The following TLK2 variants were observed in gnomAD, a reference collection of about 807,000 sequenced individuals.
TLK2 encodes the protein serine/threonine-protein kinase tousled-like 2.
In TLK2, 6 loss-of-function variants were observed where a neutral mutation model predicts 117.3. The ratio of observed to expected loss-of-function variants is 0.05; its 90% CI spans 0.03 to 0.10. The LOEUF is 0.10. TLK2 is among the 10% of genes least tolerant of loss of function. The pLI is 1.00. For synonymous variants in TLK2, 257 were observed against 316.7 expected (o/e 0.81, Z 2.00); for missense variants, 299 against 901.2 (o/e 0.33, Z 8.56).
chr17:62,569,286 A>G (rs2146532259), intron 11 of TLK2, among the ~76,000 whole-genome samples: 1 of 148,876 alleles, frequency 6.7e-6, no homozygotes. Flanking sequence ...TGGGTGACAG[A>G]GTGAGACTTC....
chr17:62,504,654 TAAAA>T (rs1205812542), intron 2 of TLK2, among the ~76,000 whole-genome samples: 1 of 151,764 alleles, frequency 6.6e-6, no homozygotes, highest in African/African-American at 2.4e-5. Flanking sequence ...AAAATTAAAT[TAAAA>T]AAAGCCGGAC....
intron 2 of TLK2, among the ~76,000 whole-genome samples, chr17:62,504,889 T>C (rs2319048): frequency 1.3e-5 from 2 of 152,202 alleles, no homozygotes. Context: ...AGTCTCACTC[T>C]GTCTCACTTA....
chr17:62,516,756 A>G lies in TLK2; in HGVS notation c.82-4017A>G, dbSNP rs1378093386. On this transcript the variant is annotated intron_variant, in intron 2 of 21. Transcript: ENST00000346027. ...CATAAATGGCAATCCAGTTCTTCTT[A>G]GGCATCAACATCTCTGCAGCTGCAG... is the stretch of plus-strand genomic sequence containing the variant. The G allele has an allele frequency of 2.6e-6, 4 of 1,563,020 alleles. No individual in the cohort carries two copies. The Admixed American group carries it at 7.0e-5, about 27-fold the overall frequency.
chr17:62,516,843 TG>T lies in TLK2; in HGVS notation c.82-3929del. On this transcript the variant is annotated intron_variant, in intron 2 of 21. Transcript: ENST00000346027. ...TTATGTTTAGGTCTTTGATGTGTTT[TG>T]AGTTAATTTTTGCATGTGGTAATGG... The T allele has an allele frequency of 7.4e-6, 7 of 949,876 alleles. No individual in the cohort carries two copies. The South Asian group carries it at 1.0e-4, about 14-fold the overall frequency. The allele number at this position is 949,876 out of a possible 1,614,324, so 58.8% of individuals were successfully genotyped here.
At chr17:62,549,532 T>G (rs2078272797) in intron 7 of TLK2, among the ~76,000 whole-genome samples, 1 of 151,138 alleles carries the variant, frequency 6.6e-6, no homozygotes, top group South Asian at 2.1e-4. Context: ...CCTAGTGCAT[T>G]ATAATACTTG....
intron 7 of TLK2, chr17:62,551,809 A>T (rs1319815472): frequency 4.8e-5 from 8 of 165,756 alleles, no homozygotes; most frequent in Admixed American, 3.5e-4. Context: ...ATGCCTTAGA[A>T]TGCCCAGTCA....
At chr17:62,479,681 C>T (rs1349868225) in intron 1 of TLK2, among the ~76,000 whole-genome samples, 4 of 152,232 alleles carry the variant, frequency 2.6e-5, no homozygotes, top group African/African-American at 9.6e-5. Context: ...ATCGCTCCTG[C>T]TTCCCGGCTG....
intron 9 of TLK2, among the ~76,000 whole-genome samples, chr17:62,558,344 T>C (rs2079016678): frequency 6.6e-6 from 1 of 152,072 alleles, no homozygotes; most frequent in Non-Finnish European, 1.5e-5. Context: ...CAAAATTTTA[T>C]AGAGACTAAG....
chr17:62,540,991 ACT>A (rs1350765761), intron 7 of TLK2, among the ~76,000 whole-genome samples: 2 of 151,192 alleles, frequency 1.3e-5, no homozygotes, highest in African/African-American at 2.4e-5. Context: ...TTTCTCAAAT[ACT>A]CTCTCTCAGT....
At chr17:62,599,421 CT>C (rs1174388522) in intron 17 of TLK2, among the ~76,000 whole-genome samples, 1 of 152,194 alleles carries the variant, frequency 6.6e-6, no homozygotes, top group Non-Finnish European at 1.5e-5. Flanking sequence ...GTTCCTCGCC[CT>C]TTCGCTGCTC....
intron 7 of TLK2, among the ~76,000 whole-genome samples, chr17:62,539,348 C>T (rs1451204006): frequency 2.6e-5 from 4 of 152,154 alleles, no homozygotes; most frequent in South Asian, 2.1e-4. Context: ...TCTAAGCATA[C>T]GGTCTTTCAC....
At chr17:62,604,090 C>T (rs867532622) in intron 19 of TLK2, among the ~76,000 whole-genome samples, 4 of 151,702 alleles carry the variant, frequency 2.6e-5, no homozygotes, top group South Asian at 2.1e-4. Context: ...CTGCAGCCTC[C>T]GCCTCCCGAG....
At chr17:62,557,251 C>CT (rs2078928779) in intron 9 of TLK2, among the ~76,000 whole-genome samples, 1 of 152,086 alleles carries the variant, frequency 6.6e-6, no homozygotes, top group African/African-American at 2.4e-5. Flanking sequence ...AATTTCCCTG[C>CT]TTTTTTCCCT....
chr17:62,496,848 T>C (rs2073742392), intron 2 of TLK2, among the ~76,000 whole-genome samples: 1 of 149,004 alleles, frequency 6.7e-6, no homozygotes, highest in Admixed American at 6.8e-5. Flanking sequence ...TCCCAGCTAC[T>C]CGGGAGGCTG....
chr17:62,491,806 G>A (rs940431812), intron 2 of TLK2, among the ~76,000 whole-genome samples: 1 of 152,112 alleles, frequency 6.6e-6, no homozygotes, highest in African/African-American at 2.4e-5. Flanking sequence ...GGATGGTCTC[G>A]ATCTCCTGAC....
chr17:62,592,484 G>A (rs920668713), intron 16 of TLK2, among the ~76,000 whole-genome samples: 1 of 152,146 alleles, frequency 6.6e-6, no homozygotes, highest in African/African-American at 2.4e-5. Flanking sequence ...TTGTTGTTGT[G>A]CAAACATCAC....
chr17:62,565,223 C>T, intron 11 of TLK2, 86 bp downstream of exon 11: 1 of 1,483,654 alleles, frequency 6.7e-7, no homozygotes, highest in Non-Finnish European at 9.0e-7. Flanking sequence ...ATTAATAATC[C>T]TACTATTGGT....
At chr17:62,531,360 T>C (rs544133630) in intron 6 of TLK2, among the ~76,000 whole-genome samples, 164 of 152,352 alleles carry the variant, frequency 1.1e-3, no homozygotes, top group Non-Finnish European at 1.7e-3. Flanking sequence ...TCTAATTTGC[T>C]ATTAGCTCTA....
At chr17:62,591,347 A>G (rs2082065580) in intron 16 of TLK2, among the ~76,000 whole-genome samples, 1 of 151,330 alleles carries the variant, frequency 6.6e-6, no homozygotes, top group Non-Finnish European at 1.5e-5. Flanking sequence ...ACTGTTAAAT[A>G]TATGTAATTT....
Sources: gnomAD v4.1 joint callset for allele counts (sites outside exome capture counted in the v4.1 genomes callset) on GRCh38, gnomAD v4.1.1 for gene constraint, MANE v1.5 for transcripts, NCBI Gene and HGNC (gene_info 2026-07-23, HGNC 2026-07-21) for gene names.